SFMBT2: variants seen among roughly 807,000 people sequenced by gnomAD.
SFMBT2 encodes scm-like with four MBT domains protein 2.
In SFMBT2, 38 loss-of-function variants were observed where a neutral mutation model predicts 110.1. The observed-to-expected ratio is 0.35, with a 90% CI of 0.27 to 0.45. SFMBT2 has a LOEUF of 0.45. Among genes scored for constraint, SFMBT2 ranks in the 20% least tolerant of loss-of-function variants. SFMBT2 has a pLI of 1.00. For synonymous variants in SFMBT2, 425 were observed against 425.4 expected (o/e 1.00, Z 0.01); for missense variants, 1,011 against 1,094.9 (o/e 0.92, Z 1.08).
At chr10:7,350,506 T>TA (rs1279625284) in intron 4 of SFMBT2, among the ~76,000 whole-genome samples, 1 of 152,192 alleles carries the variant, frequency 6.6e-6, no homozygotes, top group Admixed American at 6.5e-5. Context: ...TTCCTCCTAA[T>TA]AAATGTCTTC....
chr10:7,273,117 C>T (rs1305094639), intron 7 of SFMBT2, among the ~76,000 whole-genome samples: 1 of 152,166 alleles, frequency 6.6e-6, no homozygotes, highest in Non-Finnish European at 1.5e-5. Context: ...ATTCTTGAGA[C>T]AAATGATAGC....
intron 7 of SFMBT2, among the ~76,000 whole-genome samples, chr10:7,263,740 C>T (rs1018009314): frequency 3.3e-5 from 5 of 152,210 alleles, no homozygotes; most frequent in Admixed American, 2.0e-4. Flanking sequence ...TTGAATGTTG[C>T]TGCATTTAGC....
chr10:7,266,743 T>C (rs888440894), intron 7 of SFMBT2, among the ~76,000 whole-genome samples: 2 of 152,138 alleles, frequency 1.3e-5, no homozygotes, highest in Admixed American at 6.5e-5. Flanking sequence ...GGACAGTCCA[T>C]GGGACAGAGA....
chr10:7,320,690 G>GTTT (rs1843159411), intron 4 of SFMBT2: 3 of 845,220 alleles, frequency 3.5e-6, no homozygotes, highest in Non-Finnish European at 4.3e-6. Context: ...AGAAAGTAAA[G>GTTT]TTTAAAGAGT....
rs906119462 is a variant in SFMBT2 at position 7,171,648 on chromosome 10, A to G, written c.2415+247T>C. On this transcript the variant is annotated intron_variant, in intron 19 of 20. Coordinates refer to ENST00000397167, the MANE Select transcript of SFMBT2 (RefSeq NM_001387889.1). This position sits in a 1 kb window ranked among gnomAD's most constrained non-coding sequence, Gnocchi z 4.9. ...TGTGCCCTCCTCCTGACAAGAACCCAGGTGGCACTAAAGCCGTCCAGGAAA... is the reference window on the plus strand; with the variant it reads ...TGTGCCCTCCTCCTGACAAGAACCCGGGTGGCACTAAAGCCGTCCAGGAAA... 1.1e-6 allele frequency: 1 copy of G among 898,698 alleles called. No homozygotes were observed. The highest frequency in any genetic ancestry group is 1.8e-5 in the African/African-American group (1 of 55,422). The allele number at this position is 898,698 out of a possible 1,614,324, so 55.7% of individuals were successfully genotyped here. A position where few individuals can be genotyped will look rare whatever the true frequency, so the allele number is the denominator to read the frequency against.
chr10:7,269,920 T>C (rs943459), intron 7 of SFMBT2, among the ~76,000 whole-genome samples: 117,208 of 150,914 alleles, frequency 0.78, 45,779 homozygotes, highest in East Asian at 0.92. Flanking sequence ...TACCTTCGTG[T>C]AAGCAGAGGA....
At chr10:7,375,503 C>A (rs1845175587) in intron 2 of SFMBT2, among the ~76,000 whole-genome samples, 1 of 151,946 alleles carries the variant, frequency 6.6e-6, no homozygotes. Flanking sequence ...GACATTAAGT[C>A]TTTCTTCTTG....
At chr10:7,322,517 C>T (rs1369278243) in intron 4 of SFMBT2, among the ~76,000 whole-genome samples, 1 of 151,864 alleles carries the variant, frequency 6.6e-6, no homozygotes, top group African/African-American at 2.4e-5. Flanking sequence ...GGCATCGATT[C>T]CAGATGGATT....
Position 7,246,332 on chromosome 10 carries a change from A to G in SFMBT2, c.972+2216T>C, listed in dbSNP as rs116866147. On this transcript the variant is annotated intron_variant, in intron 8 of 20. Coordinates refer to ENST00000397167, the MANE Select transcript of SFMBT2 (RefSeq NM_001387889.1). ...ACTGGAAGTCTATTCAGCTAGAAAA[A>G]GAGATTTGGGCTGAAATTAATTTTG... 5.9e-3 allele frequency: 1,185 copies of G among 200,704 alleles called. 23 individuals are homozygous for G. The highest frequency in any genetic ancestry group is 0.034 in the East Asian group (184 of 5,404). 12.4% of individuals were successfully genotyped at this position (200,704 alleles called of 1,614,324 possible).
Position 7,388,809 on chromosome 10 carries a change from G to A in SFMBT2, c.-51-6860C>T, listed in dbSNP as rs549663072. On this transcript the variant is annotated intron_variant, in intron 1 of 20. Transcript: ENST00000397167. ...AGAATGTTTGCTACAGTAAGGGCCC[G>A]AGCCCTGCGTGTCACTCTGCAGATG... Among the ~76,000 whole-genome samples the A allele has an allele frequency of 5.3e-5, 8 of 152,264 alleles. No homozygotes were observed. In the East Asian group the frequency reaches 5.8e-4, roughly 11 times the overall value.
intron 11 of SFMBT2, among the ~76,000 whole-genome samples, chr10:7,216,201 C>T (rs187646222): frequency 2.6e-5 from 4 of 152,302 alleles, no homozygotes; most frequent in Non-Finnish European, 5.9e-5. Flanking sequence ...CATCGCAGAC[C>T]GCAGATCATG....
chr10:7,211,558 A>G (rs1839349536), intron 11 of SFMBT2, among the ~76,000 whole-genome samples: 2 of 152,222 alleles, frequency 1.3e-5, no homozygotes, highest in South Asian at 4.2e-4. Flanking sequence ...GCAGCCTTCC[A>G]AACAAACACC....
chr10:7,252,011 T>G lies in SFMBT2; in HGVS notation c.871-3362A>C, dbSNP rs1303365110. On this transcript the variant is annotated intron_variant, in intron 7 of 20. Transcript: ENST00000397167. ...ATTCCAGATTCTGTGCTTCTCTCTG[T>G]TCCACAAAACGCTTGCTCCAACCTT... is the stretch of plus-strand genomic sequence containing the variant. Among the ~76,000 whole-genome samples the G allele has an allele frequency of 3.9e-5, 6 of 152,318 alleles. No homozygotes were observed. In the East Asian group the frequency reaches 1.2e-3, roughly 29 times the overall value.
At chr10:7,275,894 T>C (rs1841758721) in intron 7 of SFMBT2, among the ~76,000 whole-genome samples, 1 of 152,236 alleles carries the variant, frequency 6.6e-6, no homozygotes, top group South Asian at 2.1e-4. Flanking sequence ...ATCTTCTACA[T>C]GAAACTTGTA....
At chr10:7,231,686 G>A (rs1321532372) in intron 9 of SFMBT2, among the ~76,000 whole-genome samples, 3 of 134,584 alleles carry the variant, frequency 2.2e-5, no homozygotes, top group African/African-American at 5.7e-5. Flanking sequence ...TATGTTGTAA[G>A]CAACAGTTAA....
chr10:7,372,163 C>T (rs1845081393), intron 2 of SFMBT2, among the ~76,000 whole-genome samples: 1 of 152,098 alleles, frequency 6.6e-6, no homozygotes, highest in African/African-American at 2.4e-5. Flanking sequence ...GGTGACCCTC[C>T]CTCCTCAGCC....
intron 4 of SFMBT2, among the ~76,000 whole-genome samples, chr10:7,333,643 A>G (rs190192128): frequency 2.6e-5 from 4 of 151,996 alleles, no homozygotes; most frequent in African/African-American, 9.7e-5. Context: ...GGTAATTTAT[A>G]AATGCAAAAG....
intron 7 of SFMBT2, among the ~76,000 whole-genome samples, chr10:7,256,763 GGACTGGTATTTTAAACACTATGT>G (rs1377807910): frequency 6.6e-6 from 1 of 151,994 alleles, no homozygotes; most frequent in Admixed American, 6.6e-5. Context: ...CCCCAGCCTG[GGACTGGTATTTTAAACACTATGT>G]GACAGGCACC....
chr10:7,407,798 T>G (rs1846258729), intron 1 of SFMBT2, among the ~76,000 whole-genome samples: 1 of 152,188 alleles, frequency 6.6e-6, no homozygotes, highest in Non-Finnish European at 1.5e-5. Flanking sequence ...ACAAACGCCA[T>G]CAACCACGAG....
Sources: allele counts gnomAD v4.1 joint callset (sites outside exome capture counted in the v4.1 genomes callset), GRCh38; gene constraint gnomAD v4.1.1; non-coding constraint Gnocchi (gnomAD v3.1); transcripts MANE v1.5; gene names NCBI Gene and HGNC (gene_info 2026-07-23, HGNC 2026-07-21).